The following EIF2S3B variants were observed in gnomAD, a reference collection of about 807,000 sequenced individuals.
EIF2S3B encodes eukaryotic translation initiation factor 2 subunit gamma B.
A neutral mutation model predicts 26.4 loss-of-function variants in EIF2S3B; 16 were observed. That is an observed-to-expected ratio of 0.61 (90% CI 0.41 to 0.92). The LOEUF (loss-of-function observed/expected upper bound fraction) is 0.92. Among genes scored for constraint, EIF2S3B ranks in the 40% least tolerant of loss-of-function variants. The probability of loss-of-function intolerance (pLI) is 0.00; values close to 1 mark genes in which losing one functional copy is unlikely to be tolerated. For missense variants in EIF2S3B, 510 were observed against 575.5 expected (o/e 0.89, Z 1.16); for synonymous variants, 183 against 204.4 (o/e 0.90, Z 0.89).
Position 10,506,192 on chromosome 12 carries a change from C to A in EIF2S3B, c.290C>A (p.Pro97His). Residue 97 changes from proline (P) to histidine (H), a missense_variant, in exon 1 of 1, where the codon CCT (proline) becomes CAT (histidine). By Grantham distance (77) the Pro-to-His change is moderately conservative. Coordinates refer to ENST00000538173, the MANE Select transcript of EIF2S3B (RefSeq NM_001357734.3). Reference protein sequence around the residue: ...KIYQLDDPSCPRPECYRSCGS... With the variant: ...KIYQLDDPSCHRPECYRSCGS... ...TATCAACTTGATGACCCAAGTTGCCCTCGGCCAGAATGTTATCGATCTTGT... is the reference window on the plus strand; with the variant it reads ...TATCAACTTGATGACCCAAGTTGCCATCGGCCAGAATGTTATCGATCTTGT... 6.3e-7 allele frequency: 1 copy of A among 1,580,640 alleles called. No homozygotes were observed. Among genetic ancestry groups the A allele is most frequent in the Non-Finnish European group, 8.7e-7 (1 of 1,149,674 alleles).
chr12:10,515,896 C>T (rs1864750397), intron 1 of EIF2S3B, among the ~76,000 whole-genome samples: 1 of 150,192 alleles, frequency 6.7e-6, no homozygotes, highest in South Asian at 2.1e-4. Context: ...TACATACATA[C>T]TAATTTATAC....
intron 1 of EIF2S3B, among the ~76,000 whole-genome samples, chr12:10,520,658 T>C (rs1027874473): frequency 6.6e-6 from 1 of 152,228 alleles, no homozygotes; most frequent in Non-Finnish European, 1.5e-5. Context: ...TTTTGTGAGC[T>C]GAACGTCTTC....
chr12:10,509,481 TGAC>T (rs1251508907), downstream of EIF2S3B, among the ~76,000 whole-genome samples: 4 of 151,920 alleles, frequency 2.6e-5, no homozygotes, highest in East Asian at 5.8e-4. Context: ...TTTCAGATCA[TGAC>T]TTCAATTATA....
chr12:10,513,481 T>G (rs1864725116), downstream of EIF2S3B, among the ~76,000 whole-genome samples: 1 of 152,214 alleles, frequency 6.6e-6, no homozygotes, highest in South Asian at 2.1e-4. Flanking sequence ...GGTCCCTGTG[T>G]ATTTGTTGGA....
At chr12:10,522,877 C>G (rs1864848128) in exon 2 of EIF2S3B, 1 of 451,842 alleles carries the variant, frequency 2.2e-6, no homozygotes, top group Non-Finnish European at 4.0e-6. Flanking sequence ...ACCTGGACTT[C>G]ATGTTTATTA....
intron 1 of EIF2S3B, among the ~76,000 whole-genome samples, chr12:10,519,877 TG>T (rs1864811571): frequency 6.6e-6 from 1 of 151,614 alleles, no homozygotes; most frequent in Middle Eastern, 3.4e-3. Context: ...CTGGAGAGGA[TG>T]TGGAGAAATA....
At position 10,506,199 on chromosome 12, in the gene EIF2S3B, A is replaced by T; in HGVS notation, c.297A>T (p.Pro99=). 6.3e-7 allele frequency: 1 copy of T among 1,587,934 alleles called. No homozygotes were observed. Among genetic ancestry groups the T allele is most frequent in the African/African-American group, 1.3e-5 (1 of 74,476 alleles). Residue 99 remains proline (P), a synonymous_variant, in exon 1 of 1, where the codon CCA becomes CCT. Transcript: ENST00000538173. ...YQLDDPSCPR[P]ECYRSCGSSM... ...TTGATGACCCAAGTTGCCCTCGGCC[A>T]GAATGTTATCGATCTTGTGGGAGCA...
downstream of EIF2S3B, among the ~76,000 whole-genome samples, chr12:10,512,801 G>C (rs1048759900): frequency 2.6e-5 from 4 of 151,848 alleles, no homozygotes; most frequent in East Asian, 7.7e-4. Context: ...CTCTTCTCTT[G>C]TATATAATAA....
downstream of EIF2S3B, among the ~76,000 whole-genome samples, chr12:10,508,525 C>CAAAAAAAA: frequency 6.8e-4 from 43 of 62,992 alleles, no homozygotes; most frequent in Non-Finnish European, 9.0e-4. Context: ...TGTTAGAAAG[C>CAAAAAAAA]AAAAAAAAAA....
At chr12:10,517,232 A>T (rs946304467) in intron 1 of EIF2S3B, among the ~76,000 whole-genome samples, 1 of 152,172 alleles carries the variant, frequency 6.6e-6, no homozygotes, top group Non-Finnish European at 1.5e-5. Context: ...CTGTGAATCC[A>T]TCTGGTCCTG....
intron 1 of EIF2S3B, among the ~76,000 whole-genome samples, chr12:10,518,138 A>G (rs1864784704): frequency 6.6e-6 from 1 of 152,172 alleles, no homozygotes; most frequent in Admixed American, 6.6e-5. Context: ...CACTTGGTGC[A>G]GAGCTGAGTT....
intron 1 of EIF2S3B, among the ~76,000 whole-genome samples, chr12:10,514,002 G>A (rs553405143): frequency 3.3e-5 from 5 of 152,210 alleles, no homozygotes; most frequent in East Asian, 1.9e-4. Context: ...GTGACAGAGC[G>A]AGACTCCATC....
downstream of EIF2S3B, among the ~76,000 whole-genome samples, chr12:10,510,934 G>A (rs983936566): frequency 3.3e-5 from 5 of 152,020 alleles, no homozygotes; most frequent in African/African-American, 1.2e-4. Context: ...CTTACACAAG[G>A]AAGTAAAATT....
In EIF2S3B at chr12:10,505,936, C is replaced by G. The variant is rs760567915; in HGVS notation, c.34C>G (p.Gln12Glu). The G allele has an allele frequency of 1.3e-5, 21 of 1,600,896 alleles. No homozygotes were observed. Among genetic ancestry groups the G allele is most frequent in the Non-Finnish European group, 1.7e-5 (20 of 1,168,560 alleles). Reference sequence around the variant, plus strand: ...CGGAGAAGCTGGGGTGACTCTGGGGCAGCCGCACCTTTCGCGTCAGGATCT... The same window carrying G: ...CGGAGAAGCTGGGGTGACTCTGGGGGAGCCGCACCTTTCGCGTCAGGATCT... ...AGGEAGVTLG[Q>E]PHLSRQDLTT... Residue 12 changes from glutamine to glutamate, a missense_variant, in exon 1 of 1, where the codon CAG becomes GAG. Transcript: ENST00000538173.
intron 1 of EIF2S3B, among the ~76,000 whole-genome samples, chr12:10,521,545 T>C (rs556114685): frequency 4.6e-5 from 7 of 152,162 alleles, no homozygotes; most frequent in African/African-American, 1.4e-4. Context: ...TCACCTCCAC[T>C]TAATACCTAC....
At chr12:10,517,319 T>A (rs1056258777) in intron 1 of EIF2S3B, among the ~76,000 whole-genome samples, 2 of 151,980 alleles carry the variant, frequency 1.3e-5, no homozygotes, top group East Asian at 1.9e-4. Flanking sequence ...GAGATTCAAC[T>A]TCTTCCTGGT....
rs61734595 is a variant in EIF2S3B at position 10,505,911 on chromosome 12, C to T, written c.9C>T (p.Gly3=). 10,753 of 1,585,790 alleles carry T rather than the reference C, an allele frequency of 6.8e-3. 417 individuals carry two copies. In the African/African-American group the frequency reaches 0.1, roughly 15 times the overall value. Residue 3 remains glycine (G), a synonymous_variant, in exon 1 of 1, where the codon GGC becomes GGT. Coordinates refer to ENST00000538173, the MANE Select transcript of EIF2S3B (RefSeq NM_001357734.3). The part of the protein sequence containing the change: MA[G]GEAGVTLGQP... ...CTTCCTCTTTTGGCAACATGGCGGG[C>T]GGAGAAGCTGGGGTGACTCTGGGGC... is the stretch of plus-strand genomic sequence containing the variant.
At chr12:10,514,130 G>T (rs1864731827) in intron 1 of EIF2S3B, among the ~76,000 whole-genome samples, 1 of 152,052 alleles carries the variant, frequency 6.6e-6, no homozygotes, top group Admixed American at 6.6e-5. Context: ...TGAACTCAGT[G>T]TCTCTGTTTC....
At chr12:10,517,293 G>T (rs1410391286) in intron 1 of EIF2S3B, among the ~76,000 whole-genome samples, 10 of 152,056 alleles carry the variant, frequency 6.6e-5, no homozygotes, top group Non-Finnish European at 1.5e-4. Context: ...TTCAGAGCCT[G>T]TTATTGGTCT....
Sources: gnomAD v4.1 joint callset for allele counts (sites outside exome capture counted in the v4.1 genomes callset) on GRCh38, gnomAD v4.1.1 for gene constraint, MANE v1.5 for transcripts, NCBI Gene and HGNC (gene_info 2026-07-23, HGNC 2026-07-21) for gene names.